CLPSL1: variants seen among roughly 807,000 people sequenced by gnomAD.
CLPSL1 encodes colipase like 1, also known as colipase-like protein 1.
CLPSL1 carries 13 observed loss-of-function variants against 9.3 expected under a neutral mutation model. That is an observed-to-expected ratio of 1.40 (90% CI 0.91 to 2.22). The LOEUF is 2.22. CLPSL1 is among the 30% of genes most tolerant of loss of function. CLPSL1 has a pLI of 0.00. For synonymous variants in CLPSL1, 58 were observed against 56.9 expected, an observed-to-expected ratio of 1.02 and a Z score of -0.08; for missense variants, 164 against 146.6, an observed-to-expected ratio of 1.12 and a Z score of -0.61.
intron 1 of CLPSL1, among the ~76,000 whole-genome samples, chr6:35,783,066 G>A (rs974153869): frequency 6.6e-6 from 1 of 151,988 alleles, no homozygotes; most frequent in African/African-American, 2.4e-5. Flanking sequence ...CATCACTACC[G>A]TCAGAACAAG....
Position 35,785,946 on chromosome 6 carries a change from C to CAAAAAAAA in CLPSL1, c.100-1040_100-1033dup, listed in dbSNP as rs35079833. On this transcript the variant is annotated intron_variant, in intron 1 of 2. Coordinates refer to ENST00000373861, the MANE Select transcript of CLPSL1 (RefSeq NM_001010886.5). ...CCTGGGTGACAGAGTGAGACTTTGT[C>CAAAAAAAA]AAAAAAAAAAAAAAAAAAAGGAAAG... Among the ~76,000 whole-genome samples, 60 of 110,742 alleles carry CAAAAAAAA rather than the reference C, an allele frequency of 5.4e-4. No homozygotes were observed. The East Asian group carries it at 0.015, about 28-fold the overall frequency. The allele number at this position is 110,742 out of a possible 152,430, so 72.7% of individuals were successfully genotyped here.
intron 2 of CLPSL1, among the ~76,000 whole-genome samples, chr6:35,787,592 G>A (rs1768108332): frequency 6.6e-6 from 1 of 152,250 alleles, no homozygotes; most frequent in African/African-American, 2.4e-5. Flanking sequence ...AAGACATAGA[G>A]GTCCTGCGAT....
chr6:35,791,343 G>C (rs150443533), downstream of CLPSL1, among the ~76,000 whole-genome samples: 7,530 of 151,188 alleles, frequency 0.05, 91 homozygotes, highest in Admixed American at 0.076. Context: ...GGGCACGGGG[G>C]CTCACGCCTG....
intron 1 of CLPSL1, among the ~76,000 whole-genome samples, chr6:35,782,410 G>A (rs1158304074): frequency 6.6e-6 from 1 of 152,242 alleles, no homozygotes; most frequent in Admixed American, 6.5e-5. Context: ...GTGAACGTGA[G>A]AGCAGAAGAT....
chr6:35,793,093 G>A (rs1437671667), downstream of CLPSL1, among the ~76,000 whole-genome samples: 2 of 152,270 alleles, frequency 1.3e-5, no homozygotes, highest in Non-Finnish European at 1.5e-5. Flanking sequence ...ACTGAGATAT[G>A]AAGAGAAGTC....
At position 35,781,135 on chromosome 6, in the gene CLPSL1, C is replaced by T. The variant is rs746786630; in HGVS notation, c.25C>T (p.Leu9=). Reference sequence around the variant, plus strand: ...CATGATGCTACCCCAATGGCTGCTGCTGCTGTTCCTTCTCTTCTTCTTTCT... The same window carrying T: ...CATGATGCTACCCCAATGGCTGCTGTTGCTGTTCCTTCTCTTCTTCTTTCT... MMLPQWLL[L]LFLLFFFLFL... is the part of the protein sequence containing the mutation. Residue 9 remains leucine (L), a synonymous_variant, in exon 1 of 3, where the codon CTG becomes TTG. Coordinates refer to ENST00000373861, the MANE Select transcript of CLPSL1 (RefSeq NM_001010886.5). The T allele has an allele frequency of 1.2e-6, 2 of 1,613,940 alleles. No individual in the cohort carries two copies. Among genetic ancestry groups the T allele is most frequent in the African/African-American group, 2.7e-5 (2 of 74,914 alleles).
downstream of CLPSL1, among the ~76,000 whole-genome samples, chr6:35,790,475 A>G (rs1279126887): frequency 6.6e-6 from 1 of 152,286 alleles, no homozygotes; most frequent in African/African-American, 2.4e-5. Context: ...AATTAAACCG[A>G]TAAAAGAGAA....
Position 35,781,054 on chromosome 6 carries a change from G to T in CLPSL1, c.-57G>T. The T allele has an allele frequency of 1.2e-6, 2 of 1,600,132 alleles. No individual in the cohort carries two copies. Among genetic ancestry groups the T allele is most frequent in the East Asian group, 2.2e-5 (1 of 44,752 alleles). On this transcript the variant is annotated 5_prime_UTR_variant, in exon 1 of 3. The change abolishes an upstream ATG in the 5' untranslated region. Transcript: ENST00000373861. The stretch of plus-strand genomic sequence containing the variant: ...CCCACAGCTGGGAGGACACCCACAT[G>T]GTCGGCGTGCAGGATATTTCGCTGG...
At chr6:35,788,217 G>A (rs921170960), downstream of CLPSL1, 19 of 578,094 alleles carry the variant, frequency 3.3e-5, no homozygotes, top group South Asian at 2.1e-4. Flanking sequence ...GGTTTCTGGG[G>A]GGTGGGGAGG....
chr6:35,792,424 G>A (rs1384532210), downstream of CLPSL1, among the ~76,000 whole-genome samples: 2 of 152,270 alleles, frequency 1.3e-5, no homozygotes, highest in Non-Finnish European at 2.9e-5. Context: ...TATATCTCAT[G>A]TAATTTATTG....
chr6:35,786,558 G>T (rs1192477287), intron 1 of CLPSL1, among the ~76,000 whole-genome samples: 1 of 152,196 alleles, frequency 6.6e-6, no homozygotes, highest in Non-Finnish European at 1.5e-5. Flanking sequence ...GATCAATAAT[G>T]TTAATTACTG....
chr6:35,790,248 TC>T (rs1170683829), downstream of CLPSL1, among the ~76,000 whole-genome samples: 1 of 152,254 alleles, frequency 6.6e-6, no homozygotes. Flanking sequence ...TTCACTTTTT[TC>T]CAATATTGGA....
intron 1 of CLPSL1, among the ~76,000 whole-genome samples, chr6:35,785,898 A>C (rs1768061418): frequency 6.7e-6 from 1 of 148,874 alleles, no homozygotes; most frequent in Non-Finnish European, 1.5e-5. Context: ...ACAGTGAGCT[A>C]TAATTGCACC....
At chr6:35,784,519 G>C (rs1333203260) in intron 1 of CLPSL1, among the ~76,000 whole-genome samples, 1 of 152,290 alleles carries the variant, frequency 6.6e-6, no homozygotes, top group South Asian at 2.1e-4. Context: ...CTGTGGATTG[G>C]TGGTGGTGGG....
downstream of CLPSL1, chr6:35,788,302 C>T (rs920804465): frequency 1.8e-5 from 8 of 437,196 alleles, no homozygotes; most frequent in Non-Finnish European, 2.5e-5. Context: ...GAATGAAAGT[C>T]CCCCAGAAGA....
chr6:35,791,352 T>TA (rs1768205127), downstream of CLPSL1, among the ~76,000 whole-genome samples: 1 of 152,278 alleles, frequency 6.6e-6, no homozygotes, highest in Non-Finnish European at 1.5e-5. Context: ...GGCTCACGCC[T>TA]GTAATCCTAG....
At chr6:35,790,691 AG>A (rs1768169829), downstream of CLPSL1, among the ~76,000 whole-genome samples, 1 of 152,256 alleles carries the variant, frequency 6.6e-6, no homozygotes, top group Non-Finnish European at 1.5e-5. Flanking sequence ...CTGACTGTTT[AG>A]GTGTGGTGCC....
downstream of CLPSL1, chr6:35,788,282 G>C (rs767880506): frequency 8.9e-6 from 4 of 450,162 alleles, no homozygotes; most frequent in East Asian, 2.0e-4. Flanking sequence ...TCTTTCCCCA[G>C]TTGGGGCATG....
chr6:35,785,273 G>A (rs994764417), intron 1 of CLPSL1, among the ~76,000 whole-genome samples: 1 of 150,378 alleles, frequency 6.6e-6, no homozygotes. Context: ...CACCTCCCGG[G>A]TTCACGCCAT....
Sources: allele counts gnomAD v4.1 joint callset (sites outside exome capture counted in the v4.1 genomes callset), GRCh38; gene constraint gnomAD v4.1.1; transcripts MANE v1.5; gene names NCBI Gene and HGNC (gene_info 2026-07-23, HGNC 2026-07-21).